Variants in MTUS1 observed in about 807,000 individuals in gnomAD.
MTUS1 encodes the protein microtubule-associated tumor suppressor 1.
A neutral mutation model predicts 120.8 loss-of-function variants in MTUS1; 109 were observed. The ratio of observed to expected loss-of-function variants is 0.90; its 90% confidence interval spans 0.77 to 1.06. The LOEUF (loss-of-function observed/expected upper bound fraction) is 1.06. MTUS1 is among the 50% of genes least tolerant of loss of function. The probability of loss-of-function intolerance (pLI) is 0.00; values close to 1 mark genes in which losing one functional copy is unlikely to be tolerated. For synonymous variants in MTUS1, 737 were observed against 550.5 expected (o/e 1.34, Z -4.74); for missense variants, 2,210 against 1,486.3 (o/e 1.49, Z -8.01).
intron 8 of MTUS1, among the ~76,000 whole-genome samples, chr8:17,657,935 G>A (rs1808786279): frequency 6.7e-6 from 1 of 150,036 alleles, no homozygotes; most frequent in Non-Finnish European, 1.5e-5. Context: ...GTGTACATGT[G>A]TATATATGTA....
chr8:17,646,974 A>T lies in MTUS1; in HGVS notation c.3599+8T>A. The T allele has an allele frequency of 6.2e-7, 1 of 1,610,774 alleles. No individual in the cohort carries two copies. The highest frequency in any genetic ancestry group is 1.1e-5 in the South Asian group (1 of 90,928). On this transcript the variant is annotated splice_region_variant and intron_variant, in intron 14 of 14. Coordinates refer to ENST00000693296, the MANE Select transcript of MTUS1 (RefSeq NM_001363059.2). ...AGCTCGGGAGAAACAGCACTGTTTT[A>T]TTTTTACCTTGAGATTGCCATGTGC...
At chr8:17,799,952 T>C (rs912268905) in intron 1 of MTUS1, among the ~76,000 whole-genome samples, 5 of 151,630 alleles carry the variant, frequency 3.3e-5, no homozygotes, top group Admixed American at 1.3e-4. Flanking sequence ...AAAAAAAAAA[T>C]CTGTAACAGC....
intron 8 of MTUS1, among the ~76,000 whole-genome samples, chr8:17,659,152 C>T (rs1036949186): frequency 3.9e-5 from 6 of 152,056 alleles, no homozygotes; most frequent in African/African-American, 1.4e-4. Context: ...TTTCGGTGAG[C>T]AGTCTGAATT....
Position 17,645,580 on chromosome 8 carries a change from T to G in MTUS1, c.*346A>C. 1 of 190,844 alleles carries G rather than the reference T, an allele frequency of 5.2e-6. No homozygotes were observed. The highest frequency in any genetic ancestry group is 1.1e-5 in the Non-Finnish European group (1 of 93,432). 11.8% of individuals were successfully genotyped at this position (190,844 alleles called of 1,614,324 possible). A position where few individuals can be genotyped will look rare whatever the true frequency, so the allele number is the denominator to read the frequency against. On this transcript the variant is annotated 3_prime_UTR_variant, in exon 15 of 15. Coordinates refer to ENST00000693296, the MANE Select transcript of MTUS1 (RefSeq NM_001363059.2). ...TCTGTGGTGAAGAACATTACAAAGGTTATAAATCTTAATAGGGCCCTGAGA... is the reference window on the plus strand; with the variant it reads ...TCTGTGGTGAAGAACATTACAAAGGGTATAAATCTTAATAGGGCCCTGAGA...
chr8:17,775,348 A>C (rs2050338430), intron 1 of MTUS1, among the ~76,000 whole-genome samples: 1 of 152,164 alleles, frequency 6.6e-6, no homozygotes, highest in African/African-American at 2.4e-5. Context: ...CAACCTTCCC[A>C]ATCTACAGAA....
rs148172319 is a variant in MTUS1, at chr8:17,772,215, C to T, written c.-154-16254G>A. Among the ~76,000 whole-genome samples, 10 of 152,290 alleles carry T rather than the reference C, an allele frequency of 6.6e-5. No homozygotes were observed. In the East Asian group the frequency reaches 1.7e-3, roughly 26 times the overall value. On this transcript the variant is annotated intron_variant, in intron 1 of 14. Coordinates refer to ENST00000693296, the MANE Select transcript of MTUS1 (RefSeq NM_001363059.2). ...CTGCAGACTAATCCTACCTTCAGAA[C>T]ATCGTATGTATTAAAAGGAATGCCT...
At chr8:17,685,883 TATGA>T (rs1254968918) in intron 6 of MTUS1, among the ~76,000 whole-genome samples, 2 of 152,348 alleles carry the variant, frequency 1.3e-5, no homozygotes, top group Non-Finnish European at 2.9e-5. Flanking sequence ...AGTAGTAGCT[TATGA>T]ATAATTGTCA....
intron 8 of MTUS1, among the ~76,000 whole-genome samples, chr8:17,662,041 A>G (rs1348934711): frequency 6.6e-6 from 1 of 152,216 alleles, no homozygotes; most frequent in Non-Finnish European, 1.5e-5. Flanking sequence ...CAGCTGTGAC[A>G]TAAACGTGTG....
intron 6 of MTUS1, chr8:17,697,335 G>A (rs558725776): frequency 2.5e-5 from 41 of 1,614,032 alleles, no homozygotes; most frequent in Admixed American, 3.3e-5. Context: ...GCCGTCAGTC[G>A]TATGTGAATG....
intron 1 of MTUS1, among the ~76,000 whole-genome samples, chr8:17,797,070 C>T (rs142036511): frequency 3.3e-5 from 5 of 152,032 alleles, no homozygotes; most frequent in South Asian, 2.1e-4. Flanking sequence ...TGAGATCGCA[C>T]GCACCACTGC....
Position 17,656,042 on chromosome 8 carries a change from T to A in MTUS1, c.2929A>T (p.Lys977Ter). The A allele has an allele frequency of 6.2e-7, 1 of 1,614,226 alleles. No homozygotes were observed. Among genetic ancestry groups the A allele is most frequent in the Non-Finnish European group, 8.5e-7 (1 of 1,180,044 alleles). The stretch of plus-strand genomic sequence containing the variant: ...AACTCATTCCTGGCTTTTTCTAATT[T>A]CTCACAGGTGGTTGAAGCAGTGACT... ...ELVTASTTCE[K>*]LEKARNELQT... Residue 977 changes from lysine to a stop codon, truncating the protein, a stop_gained, in exon 9 of 15, where the codon AAA becomes TAA. Transcript: ENST00000693296. LOFTEE classifies it high-confidence loss of function.
At chr8:17,732,966 A>T (rs189349062) in intron 3 of MTUS1, among the ~76,000 whole-genome samples, 4 of 152,002 alleles carry the variant, frequency 2.6e-5, no homozygotes, top group Non-Finnish European at 5.9e-5. Context: ...CCCATATCCA[A>T]TCTACTCCCA....
intron 2 of MTUS1, among the ~76,000 whole-genome samples, chr8:17,753,479 G>A (rs2048345428): frequency 6.6e-6 from 1 of 152,018 alleles, no homozygotes; most frequent in African/African-American, 2.4e-5. Flanking sequence ...CTATTAAAAG[G>A]AACGGTGATA....
At chr8:17,693,603 G>A (rs902952841) in intron 6 of MTUS1, among the ~76,000 whole-genome samples, 4 of 152,174 alleles carry the variant, frequency 2.6e-5, no homozygotes, top group African/African-American at 9.7e-5. Flanking sequence ...GTTTTTACAT[G>A]CTGTTTTCTC....
At chr8:17,713,073 C>T in intron 6 of MTUS1, 141 bp downstream of exon 6, 2 of 701,320 alleles carry the variant, frequency 2.9e-6, no homozygotes, top group Non-Finnish European at 5.1e-6. Context: ...GCTATGCGAC[C>T]CGTCATAAAA....
chr8:17,689,946 C>A (rs529040607), intron 6 of MTUS1, among the ~76,000 whole-genome samples: 1 of 152,088 alleles, frequency 6.6e-6, no homozygotes, highest in African/African-American at 2.4e-5. Flanking sequence ...CTAGAAAAAA[C>A]TCTTCACAAC....
intron 8 of MTUS1, among the ~76,000 whole-genome samples, chr8:17,661,869 G>C (rs1357203871): frequency 6.6e-6 from 1 of 152,186 alleles, no homozygotes; most frequent in African/African-American, 2.4e-5. Context: ...GTGCTGCTGG[G>C]GAACAGCTGG....
In MTUS1 at chr8:17,753,820, C is replaced by T; in HGVS notation, c.1988G>A (p.Ser663Asn). Residue 663 changes from serine to asparagine, a missense_variant, in exon 2 of 15, where the codon AGC (serine) becomes AAC (asparagine). By Grantham distance (46) the Ser-to-Asn change is conservative. Transcript: ENST00000693296. ...TTCTTTTTCACCCTTCTTTTCAGGG[C>T]TAATCCTATCAATGTTGGGAACATA... ...MTYVPNIDRI[S>N]PEKKGEKENG... 6.2e-7 allele frequency: 1 copy of T among 1,614,118 alleles called. No homozygotes were observed. The highest frequency in any genetic ancestry group is 8.5e-7 in the Non-Finnish European group (1 of 1,179,968).
chr8:17,669,570 G>T (rs1359595819), intron 8 of MTUS1, among the ~76,000 whole-genome samples: 2 of 152,194 alleles, frequency 1.3e-5, no homozygotes, highest in African/African-American at 2.4e-5. Flanking sequence ...TACAGGCCAG[G>T]AGTGGTGGCT....
Sources: allele counts gnomAD v4.1 joint callset (sites outside exome capture counted in the v4.1 genomes callset), GRCh38; gene constraint gnomAD v4.1.1; transcripts MANE v1.5; gene names NCBI Gene and HGNC (gene_info 2026-07-23, HGNC 2026-07-21).